The following SYAP1 variants were observed in gnomAD, a reference collection of about 807,000 sequenced individuals.
SYAP1 encodes synapse-associated protein 1.
A neutral mutation model predicts 29.6 loss-of-function variants in SYAP1; 3 were observed. The ratio of observed to expected loss-of-function variants is 0.10; its 90% CI spans 0.05 to 0.26. SYAP1 has a LOEUF of 0.26. Ranked by LOEUF, SYAP1 falls within the 10% of genes least tolerant of loss-of-function variation. The pLI is 1.00. For missense variants in SYAP1, 217 were observed against 264.1 expected (o/e 0.82, Z 1.24); for synonymous variants, 102 against 102.7 (o/e 0.99, Z 0.04).
intron 1 of SYAP1, among the ~76,000 whole-genome samples, chrX:16,722,705 A>G (rs1213877351): frequency 9.0e-6 from 1 of 110,746 alleles, no homozygotes; most frequent in Non-Finnish European, 1.9e-5. Context: ...CCCTCACTCA[A>G]AACCAAACCT....
chrX:16,742,539 T>G (rs1926491074), intron 4 of SYAP1, among the ~76,000 whole-genome samples: 2 of 111,405 alleles, frequency 1.8e-5, no homozygotes, highest in South Asian at 7.4e-4. Flanking sequence ...CCATCTGCCT[T>G]GGCCTCCCAA....
chrX:16,757,501 A>T (rs1269630101), intron 8 of SYAP1, among the ~76,000 whole-genome samples, 192 bp downstream of exon 8: 2 of 110,670 alleles, frequency 1.8e-5, no homozygotes, highest in African/African-American at 6.6e-5. Flanking sequence ...CGGGCAGATC[A>T]CGAGGTCAGG....
At chrX:16,737,625 G>T (rs1033301985) in intron 3 of SYAP1, among the ~76,000 whole-genome samples, 1 of 111,637 alleles carries the variant, frequency 9.0e-6, no homozygotes, top group East Asian at 2.8e-4. Flanking sequence ...GGGCGTGGGG[G>T]TGGAAGGTTT....
At chrX:16,746,558 T>G (rs1443329282) in intron 5 of SYAP1, among the ~76,000 whole-genome samples, 1 of 109,889 alleles carries the variant, frequency 9.1e-6, no homozygotes, top group Non-Finnish European at 1.9e-5. Flanking sequence ...AAAATAGCTG[T>G]GGTTAAGGAT....
rs751833093 is a variant in SYAP1, at chrX:16,761,793, C to T, written c.*1434C>T. 1.8e-5 allele frequency: 2 copies of T among 112,449 alleles called. No homozygotes were observed. Among genetic ancestry groups the T allele is most frequent in the South Asian group, 7.3e-4 (2 of 2,744 alleles). 9.3% of individuals were successfully genotyped at this position (112,449 alleles called of 1,213,427 possible). On this transcript the variant is annotated 3_prime_UTR_variant, in exon 9 of 9. Transcript: ENST00000380155. Reference sequence around the variant, plus strand: ...CATGTTTTTCAAGAAGCCTTTATTACATAAAGGGGAATAGAATTAAAATGT... The same window carrying T: ...CATGTTTTTCAAGAAGCCTTTATTATATAAAGGGGAATAGAATTAAAATGT...
chrX:16,746,241 CTT>C (rs761759271), intron 5 of SYAP1, among the ~76,000 whole-genome samples: 2 of 83,640 alleles, frequency 2.4e-5, no homozygotes, highest in African/African-American at 4.2e-5. Context: ...TTTTTTCTTT[CTT>C]TTTTTTTTTT....
At chrX:16,750,987 G>A (rs1006807687) in intron 5 of SYAP1, among the ~76,000 whole-genome samples, 5 of 107,695 alleles carry the variant, frequency 4.6e-5, no homozygotes, top group Non-Finnish European at 9.6e-5. Context: ...GGCTGGTCTC[G>A]AACTCCTGAC....
chrX:16,755,329 GT>G (rs1266314147), intron 6 of SYAP1, among the ~76,000 whole-genome samples: 14 of 100,077 alleles, frequency 1.4e-4, no homozygotes, highest in Non-Finnish European at 1.8e-4. Context: ...TTTCGTTTTT[GT>G]TTTTTTTTTT....
intron 5 of SYAP1, among the ~76,000 whole-genome samples, chrX:16,745,009 G>A (rs945364252): frequency 2.7e-5 from 3 of 111,876 alleles, no homozygotes; most frequent in Non-Finnish European, 5.6e-5. Context: ...TTCCTCCCTC[G>A]GGACTCTTTT....
Position 16,743,851 on chromosome X carries a change from T to G in SYAP1, c.575+11T>G. 8.3e-7 allele frequency: 1 copy of G among 1,206,786 alleles called. No individual in the cohort carries two copies. The highest frequency in any genetic ancestry group is 1.1e-6 in the Non-Finnish European group (1 of 893,036). On this transcript the variant is annotated intron_variant, in intron 5 of 8. Transcript: ENST00000380155. ...CCTCGTTCCTAAACTGTAAGCAGAG[T>G]GTTCTCCAGCGTTTCCTCATGGCCT...
At chrX:16,757,600 G>A (rs967713260) in intron 8 of SYAP1, among the ~76,000 whole-genome samples, 38 of 110,699 alleles carry the variant, frequency 3.4e-4, no homozygotes, top group African/African-American at 1.2e-3. Flanking sequence ...GTGGGTGCCT[G>A]TAGTCCCAGC....
intron 1 of SYAP1, among the ~76,000 whole-genome samples, chrX:16,721,694 A>ATAT (rs761626842): frequency 2.0e-5 from 2 of 101,326 alleles, no homozygotes; most frequent in African/African-American, 7.2e-5. Flanking sequence ...CACCTGGCTA[A>ATAT]TTTTTTTTTT....
intron 1 of SYAP1, among the ~76,000 whole-genome samples, chrX:16,733,834 T>C (rs1038342444): frequency 9.1e-6 from 1 of 109,430 alleles, no homozygotes; most frequent in Non-Finnish European, 1.9e-5. Flanking sequence ...CCCAGCTAAG[T>C]TTTTTGTATT....
intron 5 of SYAP1, among the ~76,000 whole-genome samples, chrX:16,753,984 C>T (rs751333044): frequency 1.4e-4 from 15 of 111,003 alleles, no homozygotes; most frequent in African/African-American, 4.9e-4. Flanking sequence ...CTTACCTCAC[C>T]CACTTGGGCA....
rs996942918 is a variant in SYAP1 at position 16,764,253 on chromosome X, C to T, written c.*3894C>T. On this transcript the variant is annotated 3_prime_UTR_variant, in exon 9 of 9. Transcript: ENST00000380155. ...AAATAATTTTATATAGTTACTCTTT[C>T]TAGTAATAGATACCCCCCTCCATTT... The T allele has an allele frequency of 9.0e-6, 1 of 110,901 alleles. No homozygotes were observed. The highest frequency in any genetic ancestry group is 1.9e-5 in the Non-Finnish European group (1 of 52,994). The allele number at this position is 110,901 out of a possible 1,213,427, so 9.1% of individuals were successfully genotyped here.
chrX:16,757,013 GA>G, intron 7 of SYAP1, 148 bp from the exon 8 acceptor site: 1 of 716,829 alleles, frequency 1.4e-6, no homozygotes, highest in Non-Finnish European at 2.1e-6. Flanking sequence ...CTGCAAGTTA[GA>G]AGGTTGGAGA....
intron 1 of SYAP1, among the ~76,000 whole-genome samples, chrX:16,731,125 A>C (rs958655365): frequency 9.0e-6 from 1 of 111,568 alleles, no homozygotes; most frequent in Admixed American, 9.6e-5. Context: ...CCTTTAAATA[A>C]GCTTTGAGTT....
rs1232567813 is a variant in SYAP1, at chrX:16,762,753, G to A, written c.*2394G>A. The A allele has an allele frequency of 9.0e-6, 1 of 111,633 alleles. No homozygotes were observed. The highest frequency in any genetic ancestry group is 9.6e-5 in the Admixed American group (1 of 10,461). 9.2% of individuals were successfully genotyped at this position (111,633 alleles called of 1,213,427 possible). A position where few individuals can be genotyped will look rare whatever the true frequency, so the allele number is the denominator to read the frequency against. ...ACCAGTGTAGCTTGGCCATGCCCTG[G>A]CAGTATGTTGGAAATGCCTGCCCCA... On this transcript the variant is annotated 3_prime_UTR_variant, in exon 9 of 9. Transcript: ENST00000380155.
At chrX:16,751,791 G>A (rs1352302735) in intron 5 of SYAP1, among the ~76,000 whole-genome samples, 3 of 103,154 alleles carry the variant, frequency 2.9e-5, no homozygotes, top group African/African-American at 1.1e-4. Flanking sequence ...CAATTCTCCT[G>A]CCTCAGCCTC....
Sources: gnomAD v4.1 joint callset for allele counts (sites outside exome capture counted in the v4.1 genomes callset) on GRCh38, gnomAD v4.1.1 for gene constraint, MANE v1.5 for transcripts, NCBI Gene and HGNC (gene_info 2026-07-23, HGNC 2026-07-21) for gene names.